Variants in KCNIP4 observed in about 807,000 individuals in gnomAD.
The protein encoded by KCNIP4 is potassium voltage-gated channel interacting protein 4.
In KCNIP4, 12 loss-of-function variants were observed where a neutral mutation model predicts 34.0. That is an observed-to-expected ratio of 0.35 (90% confidence interval 0.23 to 0.57). The LOEUF is 0.57. Among genes scored for constraint, KCNIP4 ranks in the 20% least tolerant of loss-of-function variants. The pLI, the probability that KCNIP4 is intolerant of heterozygous loss-of-function variation, is 0.83. For missense variants in KCNIP4, 238 were observed against 311.7 expected (o/e 0.76, Z 1.78); for synonymous variants, 124 against 102.2 (o/e 1.21, Z -1.29).
At chr4:21,174,619 G>T (rs1393161241) in intron 1 of KCNIP4, among the ~76,000 whole-genome samples, 1 of 152,194 alleles carries the variant, frequency 6.6e-6, no homozygotes, top group Admixed American at 6.5e-5. Context: ...GCATTAGTAG[G>T]CTGGGCGCAG....
intron 1 of KCNIP4, among the ~76,000 whole-genome samples, chr4:21,610,953 T>G (rs1744111794): frequency 6.6e-6 from 1 of 152,150 alleles, no homozygotes; most frequent in African/African-American, 2.4e-5. Context: ...TTTCTCCTAA[T>G]GCTATCCCTC....
At chr4:20,757,743 T>C (rs1362340556) in intron 4 of KCNIP4, among the ~76,000 whole-genome samples, 1 of 152,184 alleles carries the variant, frequency 6.6e-6, no homozygotes, top group Non-Finnish European at 1.5e-5. Context: ...TCAAACTCTC[T>C]GCACCTTAGT....
chr4:21,794,676 G>A (rs1406299870), intron 1 of KCNIP4, among the ~76,000 whole-genome samples: 1 of 152,234 alleles, frequency 6.6e-6, no homozygotes, highest in African/African-American at 2.4e-5. Context: ...GGTTGCCTGA[G>A]GTCAGCAGTT....
At position 21,710,861 on chromosome 4, in the gene KCNIP4, T is replaced by C. The variant is rs1713669493; in HGVS notation, c.61+237710A>G. 3.9e-5 allele frequency among the ~76,000 whole-genome samples: 6 copies of C among 152,362 alleles called. No homozygotes were observed. The South Asian group carries it at 1.2e-3, about 32-fold the overall frequency. On this transcript the variant is annotated intron_variant, in intron 1 of 8. Transcript: ENST00000382152. ...AATGCCCTGTAATGTGGATCTACTT[T>C]GATTTATTCACCCTTACCCCTATTG... is the stretch of plus-strand genomic sequence containing the variant.
At chr4:21,722,039 T>C (rs975739398) in intron 1 of KCNIP4, among the ~76,000 whole-genome samples, 3 of 152,216 alleles carry the variant, frequency 2.0e-5, no homozygotes, top group Non-Finnish European at 4.4e-5. Flanking sequence ...ATCTATGTTC[T>C]GATTTGCACT....
chr4:20,970,659 A>T (rs1224542419), intron 1 of KCNIP4, among the ~76,000 whole-genome samples: 2 of 152,220 alleles, frequency 1.3e-5, no homozygotes, highest in Admixed American at 1.3e-4. Flanking sequence ...CGAAGACAGC[A>T]CACAACTCAA....
At chr4:21,901,953 C>T in intron 1 of KCNIP4, among the ~76,000 whole-genome samples, 1 of 152,114 alleles carries the variant, frequency 6.6e-6, no homozygotes, top group East Asian at 1.9e-4. Context: ...TCAGATACAA[C>T]CAACAATAGA....
At chr4:21,111,657 A>G (rs975505901) in intron 1 of KCNIP4, among the ~76,000 whole-genome samples, 13 of 152,352 alleles carry the variant, frequency 8.5e-5, no homozygotes, top group Admixed American at 5.2e-4. Context: ...GGTTTATTAC[A>G]GCCCATCATG....
chr4:21,181,564 T>A (rs980662888), intron 1 of KCNIP4, among the ~76,000 whole-genome samples: 1 of 152,070 alleles, frequency 6.6e-6, no homozygotes, highest in Admixed American at 6.6e-5. Context: ...TTGAAAGGGG[T>A]CATGGTTGAT....
intron 1 of KCNIP4, among the ~76,000 whole-genome samples, chr4:21,718,200 A>G (rs2167245): frequency 0.28 from 42,364 of 152,066 alleles, 7,173 homozygotes; most frequent in East Asian, 0.67. Context: ...AAAAAATACT[A>G]TATTTAGAAA....
In KCNIP4 at chr4:21,412,547, T is replaced by C. The variant is rs139712946; in HGVS notation, c.62-529838A>G. Among the ~76,000 whole-genome samples the C allele has an allele frequency of 2.6e-3, 390 of 152,350 alleles. 1 individual carries two copies. The highest frequency in any genetic ancestry group is 9.0e-3 in the African/African-American group (374 of 41,588). On this transcript the variant is annotated intron_variant, in intron 1 of 8. Transcript: ENST00000382152. ...AGGGAGAGACCATAACTTATGCTGC[T>C]GTGAATTTCTTCATACCTTGCTGAT...
intron 5 of KCNIP4, among the ~76,000 whole-genome samples, chr4:20,744,525 C>G (rs1363846285): frequency 6.6e-6 from 1 of 151,956 alleles, no homozygotes; most frequent in Non-Finnish European, 1.5e-5. Context: ...GGACAGAAAA[C>G]CAAACACCGC....
At chr4:21,693,582 A>T (rs994010068) in intron 1 of KCNIP4, among the ~76,000 whole-genome samples, 2 of 152,194 alleles carry the variant, frequency 1.3e-5, no homozygotes, top group Middle Eastern at 3.4e-3. Context: ...TAAATAAATA[A>T]ATAAGTCTTT....
chr4:21,400,512 C>CCT (rs1723416843), intron 1 of KCNIP4, among the ~76,000 whole-genome samples: 37 of 105,212 alleles, frequency 3.5e-4, no homozygotes, highest in East Asian at 1.8e-3. Flanking sequence ...CCCCTCCCTT[C>CCT]CTCTTCTCTT....
chr4:20,855,184 T>A (rs1196138894), intron 2 of KCNIP4, among the ~76,000 whole-genome samples: 1 of 152,070 alleles, frequency 6.6e-6, no homozygotes, highest in East Asian at 1.9e-4. Context: ...TATATTAGGG[T>A]TCAGGTGCTT....
At chr4:21,633,714 T>C (rs10002031) in intron 1 of KCNIP4, among the ~76,000 whole-genome samples, 43,881 of 151,974 alleles carry the variant, frequency 0.29, 6,587 homozygotes, top group Non-Finnish European at 0.32. Flanking sequence ...TAAGAACTTT[T>C]GTTAATATGG....
At chr4:20,752,091 T>C (rs79204178) in intron 4 of KCNIP4, among the ~76,000 whole-genome samples, 17,830 of 140,188 alleles carry the variant, frequency 0.13, 1,225 homozygotes, top group South Asian at 0.21. Flanking sequence ...AAAGTACTGC[T>C]CTTGTCCCCC....
chr4:20,991,121 G>T (rs1737044692), intron 1 of KCNIP4, among the ~76,000 whole-genome samples: 1 of 152,204 alleles, frequency 6.6e-6, no homozygotes, highest in Non-Finnish European at 1.5e-5. Flanking sequence ...TTGACTTCAA[G>T]AATTCTCACT....
chr4:20,919,419 AT>A (rs574436668), intron 1 of KCNIP4, among the ~76,000 whole-genome samples: 9,909 of 151,672 alleles, frequency 0.065, 428 homozygotes, highest in Non-Finnish European at 0.098. Flanking sequence ...AAAAAAAAAG[AT>A]AGATCGGGCG....
Sources: gnomAD v4.1 joint callset for allele counts (sites outside exome capture counted in the v4.1 genomes callset) on GRCh38, gnomAD v4.1.1 for gene constraint, MANE v1.5 for transcripts, NCBI Gene and HGNC (gene_info 2026-07-23, HGNC 2026-07-21) for gene names.